The following SCNN1B variants were observed in gnomAD, a reference collection of about 807,000 sequenced individuals.
SCNN1B encodes the protein epithelial sodium channel subunit beta.
In SCNN1B, 46 loss-of-function variants were observed where a neutral mutation model predicts 65.3. That is an observed-to-expected ratio of 0.70 (90% CI 0.56 to 0.90). The LOEUF (loss-of-function observed/expected upper bound fraction) is 0.90, where lower values mean the gene tolerates loss of function less well. Among genes scored for constraint, SCNN1B ranks in the 40% least tolerant of loss-of-function variants. SCNN1B has a pLI of 0.00. For missense variants in SCNN1B, 751 were observed against 830.5 expected, an observed-to-expected ratio of 0.90 and a Z score of 1.18; for synonymous variants, 349 against 330.6, an observed-to-expected ratio of 1.06 and a Z score of -0.60.
intron 2 of SCNN1B, among the ~76,000 whole-genome samples, chr16:23,350,417 A>G (rs940182210): frequency 1.3e-5 from 2 of 152,130 alleles, no homozygotes; most frequent in African/African-American, 4.8e-5. Flanking sequence ...AGGAGACCCA[A>G]CCTAGTCAGG....
At chr16:23,369,437 T>C (rs1400907619) in intron 5 of SCNN1B, among the ~76,000 whole-genome samples, 1 of 152,008 alleles carries the variant, frequency 6.6e-6, no homozygotes, top group Non-Finnish European at 1.5e-5. Flanking sequence ...AAGGAGTCCA[T>C]GGAAGTGAGG....
At chr16:23,375,397 C>T (rs969353523) in intron 7 of SCNN1B, among the ~76,000 whole-genome samples, 1 of 152,008 alleles carries the variant, frequency 6.6e-6, no homozygotes, top group Non-Finnish European at 1.5e-5. Context: ...ATAATGAGAG[C>T]TCTCTGAGCA....
intron 1 of SCNN1B, among the ~76,000 whole-genome samples, chr16:23,336,455 T>G (rs1305861348): frequency 6.6e-6 from 1 of 150,808 alleles, no homozygotes; most frequent in Non-Finnish European, 1.5e-5. Context: ...CACTGCAGCC[T>G]TCCCCTCCCG....
chr16:23,284,411 AT>A (rs1960823730), intron 2 of SCNN1B, among the ~76,000 whole-genome samples: 1 of 152,196 alleles, frequency 6.6e-6, no homozygotes. Context: ...TCTCAAAAAA[AT>A]AAATAAATAA....
intron 2 of SCNN1B, among the ~76,000 whole-genome samples, chr16:23,293,995 AT>A (rs940024566): frequency 6.6e-6 from 1 of 152,112 alleles, no homozygotes; most frequent in Non-Finnish European, 1.5e-5. Context: ...AATAAAAAAA[AT>A]ATAAAAAATT....
intron 1 of SCNN1B, among the ~76,000 whole-genome samples, chr16:23,281,867 G>C (rs1001996228): frequency 6.6e-6 from 1 of 152,150 alleles, no homozygotes; most frequent in Non-Finnish European, 1.5e-5. Context: ...CTCTGTGCTT[G>C]TTTATATGTG....
chr16:23,333,074 A>T (rs1961849198), intron 1 of SCNN1B, among the ~76,000 whole-genome samples: 1 of 149,536 alleles, frequency 6.7e-6, no homozygotes, highest in Admixed American at 6.7e-5. Flanking sequence ...CCAAAAAAAT[A>T]AAAAAGAAGA....
chr16:23,333,149 A>AAG (rs1961857345), intron 1 of SCNN1B, among the ~76,000 whole-genome samples: 30 of 89,520 alleles, frequency 3.4e-4, no homozygotes, highest in Non-Finnish European at 4.3e-4. Context: ...AAGGAAGGAA[A>AAG]GAAGGAAGGA....
intron 1 of SCNN1B, among the ~76,000 whole-genome samples, chr16:23,320,635 C>T (rs1961567610): frequency 6.6e-6 from 1 of 152,242 alleles, no homozygotes; most frequent in African/African-American, 2.4e-5. Context: ...AACCTCTTCC[C>T]CATTCCAGGG....
intron 1 of SCNN1B, among the ~76,000 whole-genome samples, chr16:23,330,634 G>A (rs927026857): frequency 2.6e-5 from 4 of 152,078 alleles, no homozygotes; most frequent in African/African-American, 9.7e-5. Context: ...GTGCAGTGGC[G>A]CGATCATAGT....
chr16:23,378,472 G>A lies in SCNN1B; in HGVS notation c.1405-234G>A, dbSNP rs1019264121. 2.6e-5 allele frequency among the ~76,000 whole-genome samples: 4 copies of A among 152,284 alleles called. No individual in the cohort carries two copies. In the East Asian group the frequency reaches 5.8e-4, roughly 22 times the overall value. On this transcript the variant is annotated intron_variant, in intron 10 of 12. Coordinates refer to ENST00000343070, the MANE Select transcript of SCNN1B (RefSeq NM_000336.3). ...TGAGGACCAGAGGTGGGAGAGAGCC[G>A]GGCAGGGTGGCCAGGCCCGCCGAGG...
chr16:23,330,277 G>T (rs1035127801), intron 1 of SCNN1B, among the ~76,000 whole-genome samples: 1 of 152,154 alleles, frequency 6.6e-6, no homozygotes, highest in African/African-American at 2.4e-5. Flanking sequence ...TGGGCCCAAC[G>T]TGAACAATCC....
Position 23,354,521 on chromosome 16 carries a change from G to A in SCNN1B, c.586-778G>A, listed in dbSNP as rs549312917. ...GATGACTTGGATGTCATGAGAAGCC[G>A]GATGTGACCAGATGGAAGGGTGCTC... On this transcript the variant is annotated intron_variant, in intron 3 of 12. Coordinates refer to ENST00000343070, the MANE Select transcript of SCNN1B (RefSeq NM_000336.3). Among the ~76,000 whole-genome samples, 52 of 152,376 alleles carry A rather than the reference G, an allele frequency of 3.4e-4. No homozygotes were observed. In the Middle Eastern group the frequency reaches 0.01, roughly 30 times the overall value.
At chr16:23,331,015 G>A (rs1961800481) in intron 1 of SCNN1B, among the ~76,000 whole-genome samples, 2 of 152,218 alleles carry the variant, frequency 1.3e-5, no homozygotes, top group South Asian at 4.1e-4. Context: ...TTTATCACCA[G>A]CCAGCAGCTT....
chr16:23,317,827 TG>T, intron 1 of SCNN1B, among the ~76,000 whole-genome samples: 1 of 152,306 alleles, frequency 6.6e-6, no homozygotes, highest in Non-Finnish European at 1.5e-5. Flanking sequence ...CAAATGCCTG[TG>T]GGGTATGTGT....
intron 1 of SCNN1B, among the ~76,000 whole-genome samples, chr16:23,330,826 T>C (rs779719581): frequency 6.6e-6 from 1 of 152,058 alleles, no homozygotes; most frequent in Non-Finnish European, 1.5e-5. Context: ...TGCTGCAGCC[T>C]CCCAAGTGGC....
intron 1 of SCNN1B, among the ~76,000 whole-genome samples, chr16:23,312,933 G>T (rs538696143): frequency 1.3e-5 from 2 of 152,260 alleles, no homozygotes; most frequent in African/African-American, 4.8e-5. Flanking sequence ...TCCTACATTT[G>T]GGTGGGAAGG....
Position 23,348,629 on chromosome 16 carries a change from C to T in SCNN1B, c.30C>T (p.Gly10=), listed in dbSNP as rs1214291898. The change falls in exon 2 of 13, where the codon GGC becomes GGT. Residue 10 remains glycine (G), a synonymous_variant. Transcript: ENST00000343070. The surrounding 1 kb of genome is among the most constrained non-coding windows in gnomAD (Gnocchi z 4.5). MHVKKYLLK[G]LHRLQKGPGY... ...ACGTGAAGAAGTACCTGCTGAAGGG[C>T]CTGCATCGGCTGCAGAAGGGCCCCG... is the stretch of plus-strand genomic sequence containing the variant. 4 of 1,613,322 alleles carry T rather than the reference C, an allele frequency of 2.5e-6. No homozygotes were observed. Among genetic ancestry groups the T allele is most frequent in the Non-Finnish European group, 3.4e-6 (4 of 1,179,968 alleles).
intron 1 of SCNN1B, among the ~76,000 whole-genome samples, chr16:23,315,810 G>A (rs1444486192): frequency 2.0e-5 from 3 of 152,060 alleles, no homozygotes; most frequent in Non-Finnish European, 4.4e-5. Context: ...TCTCTTAAAC[G>A]AAGTACAGGC....
Sources: gnomAD v4.1 joint callset for allele counts (sites outside exome capture counted in the v4.1 genomes callset) on GRCh38, gnomAD v4.1.1 for gene constraint, Gnocchi (gnomAD v3.1) non-coding constraint, MANE v1.5 for transcripts, NCBI Gene and HGNC (gene_info 2026-07-23, HGNC 2026-07-21) for gene names.